The following ZP3 variants were observed in gnomAD, a reference collection of about 807,000 sequenced individuals.
ZP3 encodes zona pellucida glycoprotein 3.
Under a neutral mutation model 35.6 loss-of-function variants are expected in ZP3, and 21 were observed. The observed-to-expected ratio is 0.59, with a 90% CI of 0.42 to 0.85. ZP3 has a LOEUF of 0.85. ZP3 is among the 40% of genes least tolerant of loss of function. The pLI is 0.00. For synonymous variants in ZP3, 207 were observed against 214.5 expected (o/e 0.96, Z 0.31); for missense variants, 437 against 536.5 (o/e 0.81, Z 1.83).
intron 5 of ZP3, among the ~76,000 whole-genome samples, chr7:76,435,380 C>A (rs1467994555): frequency 6.6e-6 from 1 of 152,214 alleles, no homozygotes; most frequent in African/African-American, 2.4e-5. Context: ...GTCCCAAACT[C>A]CTGACCTCAG....
exon 1 of ZP3, chr7:76,397,785 G>C (rs1472622873): frequency 1.2e-6 from 2 of 1,609,538 alleles, no homozygotes; most frequent in Non-Finnish European, 1.7e-6. Flanking sequence ...ATCTCCACTC[G>C]GCCCTGACAC....
chr7:76,436,356 T>G (rs1432369006), intron 5 of ZP3, among the ~76,000 whole-genome samples: 1 of 152,000 alleles, frequency 6.6e-6, no homozygotes, highest in Admixed American at 6.6e-5. Flanking sequence ...CTGCTAGCAT[T>G]TTACTGTTAT....
chr7:76,423,007 A>AAGAGAGAGAGAGAGAGAGAGAGAG, upstream of ZP3, among the ~76,000 whole-genome samples: 2 of 76,066 alleles, frequency 2.6e-5, no homozygotes, highest in Non-Finnish European at 4.8e-5. Flanking sequence ...AAAAGAAAGA[A>AAGAGAGAGAGAGAGAGAGAGAGAG]AGAGAGAGAG....
In ZP3 at chr7:76,430,403, G is replaced by A. The variant is rs1211666273; in HGVS notation, c.431+770G>A. Among the ~76,000 whole-genome samples, 5 of 152,042 alleles carry A rather than the reference G, an allele frequency of 3.3e-5. No homozygotes were observed. The South Asian group carries it at 6.2e-4, about 19-fold the overall frequency. On this transcript the variant is annotated intron_variant, in intron 2 of 7. Coordinates refer to ENST00000394857, the MANE Select transcript of ZP3 (RefSeq NM_001110354.2). ...TGCTGGCCTCAGCATGGGGTGCAGG[G>A]GACTTTGTCCCTGCCCTTGAACCAG...
chr7:76,440,941 G>T (rs1460351631), intron 7 of ZP3, among the ~76,000 whole-genome samples: 3 of 152,162 alleles, frequency 2.0e-5, no homozygotes, highest in Non-Finnish European at 4.4e-5. Context: ...GGAGGCCAAG[G>T]CGGGCAGGTC....
intron 7 of ZP3, among the ~76,000 whole-genome samples, 154 bp from the exon 8 acceptor site, chr7:76,441,688 G>A (rs1162476719): frequency 6.6e-6 from 1 of 152,090 alleles, no homozygotes; most frequent in Non-Finnish European, 1.5e-5. Flanking sequence ...ACACCTGGCC[G>A]AGAAAGCTGT....
At chr7:76,415,985 C>G (rs904935053) in intron 1 of ZP3, among the ~76,000 whole-genome samples, 2 of 150,138 alleles carry the variant, frequency 1.3e-5, no homozygotes, top group Non-Finnish European at 3.0e-5. Context: ...CAAAAATTAG[C>G]CGGGTGTGGT....
In ZP3 at chr7:76,412,961, TCTTC is replaced by T. The variant is rs1236100678; in HGVS notation, c.-66-12090_-66-12087del. 1.7e-3 allele frequency among the ~76,000 whole-genome samples: 171 copies of T among 98,634 alleles called. 3 individuals carry two copies. Among genetic ancestry groups the T allele is most frequent in the African/African-American group, 7.9e-3 (167 of 21,230 alleles). The allele number at this position is 98,634 out of a possible 152,430, so 64.7% of individuals were successfully genotyped here. Reference sequence around the variant, plus strand: ...TCTTTCTTCTTTGTCTTCTTCTTCTTCTTCTTTTTTTTTTTTTTTGAGACGGAGT... The same window carrying T: ...TCTTTCTTCTTTGTCTTCTTCTTCTTTTTTTTTTTTTTTTTGAGACGGAGT... On this transcript the variant is annotated intron_variant, in intron 1 of 8. Coordinates refer to the ZP3 transcript ENST00000336517.
chr7:76,417,850 T>C (rs1195431385), intron 1 of ZP3, among the ~76,000 whole-genome samples: 3 of 151,036 alleles, frequency 2.0e-5, no homozygotes, highest in South Asian at 4.2e-4. Flanking sequence ...CTGGACTCAA[T>C]TGATCCTCCC....
rs765091119 is a variant in ZP3, at chr7:76,429,603, CAG to C, written c.405_406del (p.Glu135AspfsTer49). ...CTGTCCATCGTGAGGACTAACCGCG[CAG>C]AGATTCCCATCGAGTGCCGCTACCC... On this transcript the variant is annotated frameshift_variant, in exon 2 of 8. Transcript: ENST00000394857. LOFTEE classifies it high-confidence loss of function. The C allele has an allele frequency of 1.9e-6, 3 of 1,614,092 alleles. No individual in the cohort carries two copies. The highest frequency in any genetic ancestry group is 1.7e-6 in the Non-Finnish European group (2 of 1,179,984).
At chr7:76,403,000 A>G (rs1245768214) in intron 1 of ZP3, among the ~76,000 whole-genome samples, 1 of 152,158 alleles carries the variant, frequency 6.6e-6, no homozygotes, top group East Asian at 1.9e-4. Flanking sequence ...TCAGTTAATC[A>G]TTAGGATAAT....
chr7:76,432,051 T>TA (rs1805844459), intron 2 of ZP3, among the ~76,000 whole-genome samples: 1 of 152,132 alleles, frequency 6.6e-6, no homozygotes, highest in Admixed American at 6.6e-5. Context: ...AAAAAAGTCT[T>TA]ACTCTGCCGC....
chr7:76,408,719 C>T (rs573299025), intron 1 of ZP3, among the ~76,000 whole-genome samples: 53 of 152,268 alleles, frequency 3.5e-4, no homozygotes, highest in African/African-American at 1.1e-3. Context: ...AAGGTGGGCC[C>T]CTCCAGTCTG....
intron 2 of ZP3, among the ~76,000 whole-genome samples, chr7:76,431,671 G>A (rs1274260803): frequency 5.9e-5 from 9 of 152,078 alleles, no homozygotes; most frequent in Non-Finnish European, 7.3e-5. Flanking sequence ...AGGCCGAGGC[G>A]GGCGGATCAT....
At chr7:76,424,848 G>A, upstream of ZP3, 1 of 968,054 alleles carries the variant, frequency 1.0e-6, no homozygotes, top group Non-Finnish European at 1.5e-6. Flanking sequence ...TATGCAACAA[G>A]GGCCCAGCTG....
chr7:76,432,834 T>G, intron 2 of ZP3, 93 bp from the exon 3 acceptor site: 2 of 1,073,858 alleles, frequency 1.9e-6, no homozygotes, highest in East Asian at 4.9e-5. Context: ...CTGAGGACCC[T>G]GTAGTGGGGT....
chr7:76,416,111 C>A (rs1805363942), intron 1 of ZP3, among the ~76,000 whole-genome samples: 1 of 150,316 alleles, frequency 6.7e-6, no homozygotes, highest in South Asian at 2.1e-4. Flanking sequence ...GCCTGGGCAA[C>A]AACAGCAAAA....
At chr7:76,436,881 G>A (rs879690926) in intron 5 of ZP3, among the ~76,000 whole-genome samples, 2 of 152,360 alleles carry the variant, frequency 1.3e-5, no homozygotes, top group Non-Finnish European at 2.9e-5. Context: ...AATCTCTGGG[G>A]GTTGAGGGGT....
chr7:76,400,112 AG>A (rs1398464374), intron 1 of ZP3, among the ~76,000 whole-genome samples: 1 of 152,202 alleles, frequency 6.6e-6, no homozygotes, highest in African/African-American at 2.4e-5. Flanking sequence ...GCAATGACCC[AG>A]AAGAATCCCT....
Sources: gnomAD v4.1 joint callset for allele counts (sites outside exome capture counted in the v4.1 genomes callset) on GRCh38, gnomAD v4.1.1 for gene constraint, MANE v1.5 for transcripts, NCBI Gene and HGNC (gene_info 2026-07-23, HGNC 2026-07-21) for gene names.